ITPR2: variants seen among roughly 807,000 people sequenced by gnomAD.
ITPR2 encodes the protein inositol 1,4,5-trisphosphate receptor type 2, also known as inositol 1,4,5-trisphosphate-gated calcium channel ITPR2.
In ITPR2, 207 loss-of-function variants were observed where a neutral mutation model predicts 317.1. The ratio of observed to expected loss-of-function variants is 0.65; its 90% CI spans 0.58 to 0.73. The LOEUF (loss-of-function observed/expected upper bound fraction) is 0.73, where lower values mean the gene tolerates loss of function less well. ITPR2 is among the 30% of genes least tolerant of loss of function. The pLI is 0.00. For missense variants in ITPR2, 2,613 were observed against 3,284.0 expected, an observed-to-expected ratio of 0.80 and a Z score of 4.99; for synonymous variants, 1,156 against 1,149.1, an observed-to-expected ratio of 1.01 and a Z score of -0.12.
intron 45 of ITPR2, among the ~76,000 whole-genome samples, chr12:26,467,357 A>G (rs377676197): frequency 4.7e-5 from 7 of 150,450 alleles, no homozygotes; most frequent in Admixed American, 2.6e-4. Context: ...CTCTTTCTCT[A>G]TCTCTCTCTC....
intron 37 of ITPR2, among the ~76,000 whole-genome samples, chr12:26,500,332 A>C (rs1469360178): frequency 2.6e-5 from 4 of 152,178 alleles, no homozygotes; most frequent in Admixed American, 2.6e-4. Context: ...AAATGAGGGA[A>C]GAACTAAAAG....
chr12:26,621,334 T>G (rs773343803), intron 25 of ITPR2, 38 bp from the exon 26 acceptor site: 1 of 1,475,582 alleles, frequency 6.8e-7, no homozygotes, highest in African/African-American at 1.4e-5. Context: ...TGAAGTTCAC[T>G]ATTTCTAGAA....
At chr12:26,788,100 T>C (rs1950288066) in intron 2 of ITPR2, among the ~76,000 whole-genome samples, 1 of 151,532 alleles carries the variant, frequency 6.6e-6, no homozygotes, top group Non-Finnish European at 1.5e-5. Flanking sequence ...TTTTGCATTT[T>C]TAGTAGAGAC....
At chr12:26,685,037 G>A (rs1350479647) in intron 11 of ITPR2, among the ~76,000 whole-genome samples, 1 of 152,134 alleles carries the variant, frequency 6.6e-6, no homozygotes, top group African/African-American at 2.4e-5. Flanking sequence ...AGCTCTACCA[G>A]CAATGTTTCT....
intron 28 of ITPR2, 61 bp downstream of exon 28, chr12:26,602,309 C>CA (rs1417914131): frequency 2.6e-6 from 4 of 1,543,554 alleles, no homozygotes. Flanking sequence ...TGGAACTTTG[C>CA]AAAACATTTG....
intron 1 of ITPR2, among the ~76,000 whole-genome samples, chr12:26,812,395 A>G (rs372026636): frequency 5.3e-5 from 8 of 151,734 alleles, no homozygotes; most frequent in African/African-American, 1.5e-4. Context: ...TGGCTAACAC[A>G]GTGAAACCTC....
chr12:26,413,219 T>C (rs939376245), intron 51 of ITPR2, among the ~76,000 whole-genome samples: 1 of 152,254 alleles, frequency 6.6e-6, no homozygotes, highest in Non-Finnish European at 1.5e-5. Context: ...CCTCTGGTCC[T>C]GCAGGCAGGA....
At chr12:26,537,647 T>C (rs1353610887) in intron 37 of ITPR2, among the ~76,000 whole-genome samples, 1 of 152,192 alleles carries the variant, frequency 6.6e-6, no homozygotes, top group Non-Finnish European at 1.5e-5. Context: ...TCATTTAAAT[T>C]ATTTTGTGCC....
intron 55 of ITPR2, among the ~76,000 whole-genome samples, chr12:26,368,953 G>C (rs1939099403): frequency 6.6e-6 from 1 of 152,206 alleles, no homozygotes; most frequent in Non-Finnish European, 1.5e-5. Context: ...ATAGTGGGGA[G>C]ATGGGACCTC....
In ITPR2 at chr12:26,686,506, G is replaced by A; in HGVS notation, c.1123C>T (p.Gln375Ter). The change falls in exon 11 of 57, where the codon CAG (glutamine) becomes TAG (stop). Residue 375 changes from glutamine (Q) to a stop codon, truncating the protein, a stop_gained. Transcript: ENST00000381340. LOFTEE classifies it high-confidence loss of function. The part of the protein sequence containing the change: ...SLFELDATTL[Q>*]RADCLVPRNS... ...CTTGGAACCAGGCAGTCAGCTCTCT[G>A]AAGAGTTGTGGCATCTAGTTCAAAA... is the stretch of plus-strand genomic sequence containing the variant. The A allele has an allele frequency of 1.2e-6, 2 of 1,601,718 alleles. No homozygotes were observed. The highest frequency in any genetic ancestry group is 1.7e-6 in the Non-Finnish European group (2 of 1,173,644).
intron 5 of ITPR2, among the ~76,000 whole-genome samples, chr12:26,720,189 A>AC (rs1274671206): frequency 6.6e-6 from 1 of 152,194 alleles, no homozygotes; most frequent in Non-Finnish European, 1.5e-5. Context: ...AGGAACTATT[A>AC]CCTTTTGAAG....
intron 13 of ITPR2, among the ~76,000 whole-genome samples, chr12:26,669,863 A>G (rs1450632630): frequency 1.3e-5 from 2 of 152,256 alleles, no homozygotes; most frequent in Admixed American, 6.5e-5. Context: ...CGCTTTTCCG[A>G]CGGGCTTAAA....
chr12:26,663,558 C>T, intron 15 of ITPR2, 127 bp downstream of exon 15: 1 of 890,998 alleles, frequency 1.1e-6, no homozygotes, highest in Non-Finnish European at 1.7e-6. Context: ...ATGTATTGCC[C>T]AACATAAAAT....
intron 37 of ITPR2, among the ~76,000 whole-genome samples, chr12:26,499,564 T>C (rs1208231822): frequency 1.3e-5 from 2 of 152,208 alleles, no homozygotes; most frequent in Non-Finnish European, 1.5e-5. Flanking sequence ...TTACTGAAAG[T>C]ACTTGGAACA....
At position 26,768,431 on chromosome 12, in the gene ITPR2, A is replaced by AT. The variant is rs1434733875; in HGVS notation, c.163+21725_163+21726insA. 4.4e-3 allele frequency among the ~76,000 whole-genome samples: 454 copies of AT among 102,668 alleles called. 6 individuals are homozygous for AT. The highest frequency in any genetic ancestry group is 0.014 in the African/African-American group (426 of 30,248). The allele number at this position is 102,668 out of a possible 152,430, so 67.4% of individuals were successfully genotyped here. On this transcript the variant is annotated intron_variant, in intron 2 of 56. Coordinates refer to ENST00000381340, the MANE Select transcript of ITPR2 (RefSeq NM_002223.4). The stretch of plus-strand genomic sequence containing the variant: ...AAGTATAATAAAAAAAAATTAAAAA[A>AT]AAATAAAAAATAAAAAATAAAAAAT...
At position 26,556,363 on chromosome 12, in the gene ITPR2, A is replaced by C. The variant is rs745953083; in HGVS notation, c.4834T>G (p.Ser1612Ala). 6.2e-7 allele frequency: 1 copy of C among 1,613,204 alleles called. No individual in the cohort carries two copies. Among genetic ancestry groups the C allele is most frequent in the South Asian group, 1.1e-5 (1 of 90,806 alleles). ...ATTGGGCTGAACTGGTGCTCCAAGG[A>C]GGCCACTACATCCTAGGGAATGAAA... is the stretch of plus-strand genomic sequence containing the variant. ...IIEKLQDVVASLEHQFSPMMQ... is the reference protein window; with the variant it reads ...IIEKLQDVVAALEHQFSPMMQ... Residue 1612 changes from serine to alanine, a missense_variant, in exon 36 of 57, where the codon TCC (serine) becomes GCC (alanine). By Grantham distance (99) the Ser-to-Ala change is moderately conservative. Transcript: ENST00000381340.
intron 2 of ITPR2, among the ~76,000 whole-genome samples, chr12:26,786,524 T>G (rs914631734): frequency 6.6e-6 from 1 of 151,894 alleles, no homozygotes; most frequent in Non-Finnish European, 1.5e-5. Flanking sequence ...AAAGCTACTA[T>G]GTTTCTGTTA....
chr12:26,763,391 A>C (rs1279636588), intron 2 of ITPR2, among the ~76,000 whole-genome samples: 1 of 152,194 alleles, frequency 6.6e-6, no homozygotes, highest in African/African-American at 2.4e-5. Flanking sequence ...GTGAAAATAA[A>C]GGTATGACTT....
At chr12:26,447,274 G>A (rs1352393482) in intron 45 of ITPR2, among the ~76,000 whole-genome samples, 1 of 151,976 alleles carries the variant, frequency 6.6e-6, no homozygotes, top group African/African-American at 2.4e-5. Flanking sequence ...TAAAGAAGAA[G>A]GGCAAATAAA....
Sources: allele counts gnomAD v4.1 joint callset (sites outside exome capture counted in the v4.1 genomes callset), GRCh38; gene constraint gnomAD v4.1.1; transcripts MANE v1.5; gene names NCBI Gene and HGNC (gene_info 2026-07-23, HGNC 2026-07-21).